The following RSF1 variants were observed in gnomAD, a reference collection of about 807,000 sequenced individuals.
RSF1 encodes remodeling and spacing factor 1.
In RSF1, 13 loss-of-function variants were observed where a neutral mutation model predicts 145.2. The observed-to-expected ratio is 0.09, with a 90% CI of 0.06 to 0.14. The LOEUF is 0.14. RSF1 is among the 10% of genes least tolerant of loss of function. The probability of loss-of-function intolerance (pLI) is 1.00; values close to 1 mark genes in which losing one functional copy is unlikely to be tolerated. For synonymous variants in RSF1, 577 were observed against 592.6 expected (o/e 0.97, Z 0.38); for missense variants, 1,517 against 1,718.2 (o/e 0.88, Z 2.07).
the RSF1 span, among the ~76,000 whole-genome samples, chr11:77,849,936 T>C: frequency 1.3e-5 from 2 of 152,228 alleles, no homozygotes; most frequent in Non-Finnish European, 1.5e-5. Context: ...GCCTCTATTA[T>C]AGCACTTAGC....
intron 1 of RSF1, chr11:77,813,615 C>T: frequency 1.6e-6 from 1 of 627,460 alleles, no homozygotes; most frequent in Non-Finnish European, 2.9e-6. Flanking sequence ...TAGAGTGATT[C>T]AATTTCGGTG....
chr11:77,676,279 CTTT>C (rs72097709), intron 13 of RSF1, among the ~76,000 whole-genome samples: 29 of 145,348 alleles, frequency 2.0e-4, no homozygotes, highest in African/African-American at 5.8e-4. Context: ...TGCAGAATGA[CTTT>C]TTTTTTTTTT....
At chr11:77,672,368 A>C in intron 14 of RSF1, 138 bp from the exon 15 acceptor site, 1 of 682,934 alleles carries the variant, frequency 1.5e-6, no homozygotes, top group South Asian at 2.1e-5. Context: ...TATGAGTCTC[A>C]TTTTATTTGA....
rs1959366909 is a variant in RSF1, at chr11:77,666,505, A to G, written c.*412T>C. 1 of 153,194 alleles carries G rather than the reference A, an allele frequency of 6.5e-6. No individual in the cohort carries two copies. The highest frequency in any genetic ancestry group is 1.5e-5 in the Non-Finnish European group (1 of 68,498). 9.5% of individuals were successfully genotyped at this position (153,194 alleles called of 1,614,324 possible). ...AAATATAATATATATTTAATATGAA[A>G]AAGCTAAAGCACAAGTGCTTTCACC... On this transcript the variant is annotated 3_prime_UTR_variant, in exon 16 of 16. Transcript: ENST00000308488.
chr11:77,855,946 T>G, the RSF1 span, among the ~76,000 whole-genome samples: 2 of 152,020 alleles, frequency 1.3e-5, no homozygotes, highest in Non-Finnish European at 2.9e-5. Context: ...GGCAAAACCC[T>G]GGCTCTAGCA....
rs1238730700 is a variant in RSF1, at chr11:77,663,276, C to T, written c.*3641G>A. Reference sequence around the variant, plus strand: ...AAGCATTCCTTGTGACAAAGGACACCCCACCAGTCCCACTTAAAAACAGCT... The same window carrying T: ...AAGCATTCCTTGTGACAAAGGACACTCCACCAGTCCCACTTAAAAACAGCT... On this transcript the variant is annotated 3_prime_UTR_variant, in exon 16 of 16. Coordinates refer to ENST00000308488, the MANE Select transcript of RSF1 (RefSeq NM_016578.4). 2.0e-5 allele frequency: 3 copies of T among 152,026 alleles called. No individual in the cohort carries two copies. The highest frequency in any genetic ancestry group is 1.9e-4 in the East Asian group (1 of 5,186). The allele number at this position is 152,026 out of a possible 1,614,324, so 9.4% of individuals were successfully genotyped here.
At position 77,707,518 on chromosome 11, in the gene RSF1, G is replaced by A. The variant is rs970597536; in HGVS notation, c.734-5023C>T. Among the ~76,000 whole-genome samples the A allele has an allele frequency of 3.9e-5, 6 of 152,092 alleles. No homozygotes were observed. In the East Asian group the frequency reaches 5.8e-4, roughly 15 times the overall value. On this transcript the variant is annotated intron_variant, in intron 5 of 15. Transcript: ENST00000308488. ...AAATATAAGCTAAAACTAAAGATCC[G>A]AAAACAAAATTAGCCATGGATGTCA...
At chr11:77,827,668 T>C in the RSF1 span, among the ~76,000 whole-genome samples, 1 of 152,198 alleles carries the variant, frequency 6.6e-6, no homozygotes, top group Non-Finnish European at 1.5e-5. Context: ...GCCTAATATA[T>C]GGAATGCTGA....
intron 1 of RSF1, among the ~76,000 whole-genome samples, chr11:77,786,438 C>T (rs1293833676): frequency 6.6e-6 from 1 of 151,906 alleles, no homozygotes; most frequent in Non-Finnish European, 1.5e-5. Context: ...ATGGCTGGAG[C>T]CTTGGACACC....
At position 77,701,232 on chromosome 11, in the gene RSF1, A is replaced by C. The variant is rs770851305; in HGVS notation, c.1997T>G (p.Leu666Arg). ...CTCAGAATCCTCTTTTAGGGTTTCT[A>C]GGTCTACTTTTTTCACAGACTGGCC... Reference protein sequence around the residue: ...VGGQSVKKVDLETLKEDSEFT... With the variant: ...VGGQSVKKVDRETLKEDSEFT... The change falls in exon 6 of 16, where the codon CTA (leucine) becomes CGA (arginine). Residue 666 changes from leucine (L) to arginine (R), a missense_variant. Coordinates refer to ENST00000308488, the MANE Select transcript of RSF1 (RefSeq NM_016578.4). The C allele has an allele frequency of 2.1e-5, 34 of 1,613,928 alleles. No homozygotes were observed. Among genetic ancestry groups the C allele is most frequent in the Non-Finnish European group, 2.7e-5 (32 of 1,180,000 alleles).
chr11:77,812,605 GCTGGATGTGGTGGCTCATGC>G (rs1277702982), intron 1 of RSF1, among the ~76,000 whole-genome samples: 1 of 152,102 alleles, frequency 6.6e-6, no homozygotes, highest in Non-Finnish European at 1.5e-5. Flanking sequence ...ATCAGTTTGG[GCTGGATGTGGTGGCTCATGC>G]CTGTAATCCC....
At chr11:77,675,441 A>G (rs1346081481) in intron 13 of RSF1, among the ~76,000 whole-genome samples, 185 bp from the exon 14 acceptor site, 1 of 152,158 alleles carries the variant, frequency 6.6e-6, no homozygotes, top group African/African-American at 2.4e-5. Context: ...TCCTCTTAGG[A>G]GGGGTTGTAA....
the RSF1 span, among the ~76,000 whole-genome samples, chr11:77,861,422 C>T: frequency 0.23 from 35,103 of 151,774 alleles, 4,152 homozygotes; most frequent in Middle Eastern, 0.25. Context: ...CTGAGAAGGC[C>T]GCGCCAGTGT....
intron 7 of RSF1, among the ~76,000 whole-genome samples, chr11:77,696,369 G>A (rs1004627377): frequency 6.6e-6 from 1 of 152,042 alleles, no homozygotes; most frequent in Non-Finnish European, 1.5e-5. Flanking sequence ...TTGCTTTTCT[G>A]CTGTTAAAGC....
chr11:77,862,160 A>G, the RSF1 span, among the ~76,000 whole-genome samples: 3 of 152,126 alleles, frequency 2.0e-5, no homozygotes, highest in Non-Finnish European at 2.9e-5. Context: ...TCTGTGTCCC[A>G]GTGAGGGTCT....
At chr11:77,690,102 C>T (rs1467526328) in intron 9 of RSF1, among the ~76,000 whole-genome samples, 2 of 150,886 alleles carry the variant, frequency 1.3e-5, no homozygotes, top group Non-Finnish European at 2.9e-5. Flanking sequence ...ATGGAGGTTG[C>T]CATGAGCCGA....
chr11:77,842,568 G>A, the RSF1 span: 1 of 1,613,880 alleles, frequency 6.2e-7, no homozygotes, highest in African/African-American at 1.3e-5. Context: ...CAACCTATAA[G>A]GACTGCAAAG....
chr11:77,699,597 G>A (rs1174762152), intron 6 of RSF1, among the ~76,000 whole-genome samples: 1 of 152,118 alleles, frequency 6.6e-6, no homozygotes, highest in Non-Finnish European at 1.5e-5. Flanking sequence ...TAGTTATGAT[G>A]AGTAATACCA....
At chr11:77,737,033 C>T (rs1464175033) in intron 4 of RSF1, among the ~76,000 whole-genome samples, 4 of 152,146 alleles carry the variant, frequency 2.6e-5, no homozygotes, top group Non-Finnish European at 4.4e-5. Context: ...AATATTTCTG[C>T]GTTATTTGGG....
Sources: gnomAD v4.1 joint callset for allele counts (sites outside exome capture counted in the v4.1 genomes callset) on GRCh38, gnomAD v4.1.1 for gene constraint, MANE v1.5 for transcripts, NCBI Gene and HGNC (gene_info 2026-07-23, HGNC 2026-07-21) for gene names.